Variants in GDF6 observed in about 807,000 individuals in gnomAD.
The protein encoded by GDF6 is growth differentiation factor 6, also known as growth/differentiation factor 6.
GDF6 carries 3 observed loss-of-function variants against 32.4 expected under a neutral mutation model. The observed-to-expected ratio is 0.09, with a 90% confidence interval of 0.04 to 0.24. The LOEUF is 0.24. GDF6 is among the 10% of genes least tolerant of loss of function. The pLI is 1.00. For missense variants in GDF6, 589 were observed against 637.9 expected (o/e 0.92, Z 0.83); for synonymous variants, 296 against 295.3 (o/e 1.00, Z -0.03).
chr8:96,151,938 G>T (rs1466247901), intron 1 of GDF6, among the ~76,000 whole-genome samples: 3 of 152,152 alleles, frequency 2.0e-5, no homozygotes, highest in South Asian at 2.1e-4. Context: ...CAGAGTCAAA[G>T]TACCTCAGGG....
chr8:96,143,220 T>C lies in GDF6; in HGVS notation c.*1343A>G, dbSNP rs1812402405. On this transcript the variant is annotated 3_prime_UTR_variant, in exon 2 of 2. Coordinates refer to ENST00000287020, the MANE Select transcript of GDF6 (RefSeq NM_001001557.4). Reference sequence around the variant, plus strand: ...CTTTTCACAGTTTCTCATTACTAAGTTTTAAAAACATTGCCTAACTGATAA... The same window carrying C: ...CTTTTCACAGTTTCTCATTACTAAGCTTTAAAAACATTGCCTAACTGATAA... 6.6e-6 allele frequency: 1 copy of C among 152,588 alleles called. No homozygotes were observed. Among genetic ancestry groups the C allele is most frequent in the Non-Finnish European group, 1.5e-5 (1 of 68,044 alleles). The allele number at this position is 152,588 out of a possible 1,614,324, so 9.5% of individuals were successfully genotyped here.
chr8:96,159,604 C>T lies in GDF6; in HGVS notation c.406+683G>A, dbSNP rs956350048. Among the ~76,000 whole-genome samples the T allele has an allele frequency of 3.3e-5, 5 of 152,374 alleles. No homozygotes were observed. In the South Asian group the frequency reaches 1.0e-3, roughly 32 times the overall value. On this transcript the variant is annotated intron_variant, in intron 1 of 1. Transcript: ENST00000287020. ...GAACTTAGCCGTCCCTGTCCCGGCC[C>T]GCCCAACTGCTGCCGCCGCATCTGC...
intron 1 of GDF6, among the ~76,000 whole-genome samples, chr8:96,151,849 G>A (rs986812844): frequency 4.6e-5 from 7 of 152,216 alleles, no homozygotes; most frequent in Admixed American, 6.5e-5. Flanking sequence ...AGACTGGGTC[G>A]CATAATCTCT....
chr8:96,157,745 C>A (rs1187764405), intron 1 of GDF6, among the ~76,000 whole-genome samples: 1 of 152,158 alleles, frequency 6.6e-6, no homozygotes, highest in East Asian at 1.9e-4. Flanking sequence ...CCTTCCATCA[C>A]GGGAGACGAG....
intron 1 of GDF6, among the ~76,000 whole-genome samples, chr8:96,150,373 A>T (rs1480579953): frequency 1.3e-5 from 2 of 152,038 alleles, no homozygotes; most frequent in African/African-American, 2.4e-5. Context: ...CCCATCCCCA[A>T]TCCCCAGGCA....
intron 1 of GDF6, among the ~76,000 whole-genome samples, chr8:96,155,428 G>A (rs1563512864): frequency 6.6e-6 from 1 of 152,208 alleles, no homozygotes; most frequent in Non-Finnish European, 1.5e-5. Flanking sequence ...GGCCTTAAAC[G>A]TGCCTTACTT....
intron 1 of GDF6, among the ~76,000 whole-genome samples, chr8:96,158,150 C>G (rs1249414591): frequency 6.6e-6 from 1 of 152,290 alleles, no homozygotes; most frequent in South Asian, 2.1e-4. Context: ...GTGGACCGCT[C>G]GCATCCCCAG....
chr8:96,153,742 G>A (rs1352243597), intron 1 of GDF6, among the ~76,000 whole-genome samples: 2 of 152,122 alleles, frequency 1.3e-5, no homozygotes, highest in African/African-American at 4.8e-5. Flanking sequence ...CTTGCAGGTG[G>A]GGGCGAGGGT....
chr8:96,147,392 A>ACAATGCTCAGCCTC (rs2130212810), intron 1 of GDF6, among the ~76,000 whole-genome samples: 1 of 152,344 alleles, frequency 6.6e-6, no homozygotes, highest in East Asian at 1.9e-4. Flanking sequence ...CCTGTGTCTG[A>ACAATGCTCAGCCTC]CAATGCTCAG....
rs894437133 is a variant in GDF6, at chr8:96,143,055, G to C, written c.*1508C>G. 1 of 152,210 alleles carries C rather than the reference G, an allele frequency of 6.6e-6. No homozygotes were observed. The highest frequency in any genetic ancestry group is 2.4e-5 in the African/African-American group (1 of 41,436). 9.4% of individuals were successfully genotyped at this position (152,210 alleles called of 1,614,324 possible). ...TGGTGCAGGCTGGGGGAAAGTTCATGTTTTTGACTATCTGGGAATGGGTAT... is the reference window on the plus strand; with the variant it reads ...TGGTGCAGGCTGGGGGAAAGTTCATCTTTTTGACTATCTGGGAATGGGTAT... On this transcript the variant is annotated 3_prime_UTR_variant, in exon 2 of 2. Coordinates refer to ENST00000287020, the MANE Select transcript of GDF6 (RefSeq NM_001001557.4).
chr8:96,145,107 C>T lies in GDF6; in HGVS notation c.824G>A (p.Arg275Gln), dbSNP rs1269296428. Residue 275 changes from arginine to glutamine, a missense_variant, in exon 2 of 2, where the codon CGG becomes CAG. Around this residue, in one of 2 missense-constraint regions of GDF6, gnomAD observed 436 missense variants for 411.2 expected, o/e 1.06. Coordinates refer to ENST00000287020, the MANE Select transcript of GDF6 (RefSeq NM_001001557.4). This position sits in a 1 kb window ranked among gnomAD's most constrained non-coding sequence, Gnocchi z 5.6. ...FGRRVRPPQERALLVVFTRSQ... is the reference protein window; with the variant it reads ...FGRRVRPPQEQALLVVFTRSQ... ...TCTGGTGAATACCACCAGCAGGGCC[C>T]GCTCCTGGGGAGGCCGCACCCTCCG... The T allele has an allele frequency of 6.6e-7, 1 of 1,521,422 alleles. No homozygotes were observed. The allele number at this position is 1,521,422 out of a possible 1,614,324, so 94.2% of individuals were successfully genotyped here. A position where few individuals can be genotyped will look rare whatever the true frequency, so the allele number is the denominator to read the frequency against.
intron 1 of GDF6, among the ~76,000 whole-genome samples, chr8:96,155,038 G>C (rs369218135): frequency 6.6e-6 from 1 of 152,182 alleles, no homozygotes; most frequent in Non-Finnish European, 1.5e-5. Context: ...GTGGAGAAGA[G>C]GGATTCGCCA....
chr8:96,156,959 G>C (rs1812675610), intron 1 of GDF6, among the ~76,000 whole-genome samples: 1 of 152,048 alleles, frequency 6.6e-6, no homozygotes, highest in South Asian at 2.1e-4. Flanking sequence ...ATCTTATATA[G>C]GCCCCACCTC....
At chr8:96,149,114 C>T (rs1051635824) in intron 1 of GDF6, among the ~76,000 whole-genome samples, 3 of 152,200 alleles carry the variant, frequency 2.0e-5, no homozygotes, top group Admixed American at 2.0e-4. Flanking sequence ...GCCTCCTCTC[C>T]CATTAAGTCT....
rs182869337 is a variant in GDF6, at chr8:96,151,682, C to T, written c.407-6158G>A. ...GAATTTAGGAGGAAAATTAACAGGG[C>T]CACAGAGGGGTGCAAATGAGATAAG... On this transcript the variant is annotated intron_variant, in intron 1 of 1. Coordinates refer to ENST00000287020, the MANE Select transcript of GDF6 (RefSeq NM_001001557.4). Among the ~76,000 whole-genome samples, 461 of 152,266 alleles carry T rather than the reference C, an allele frequency of 3.0e-3. 1 individual carries two copies. Among genetic ancestry groups the T allele is most frequent in the African/African-American group, 0.011 (440 of 41,546 alleles).
Position 96,160,495 on chromosome 8 carries a change from T to A in GDF6, c.198A>T (p.Glu66Asp). 1 of 1,612,854 alleles carries A rather than the reference T, an allele frequency of 6.2e-7. No individual in the cohort carries two copies. Among genetic ancestry groups the A allele is most frequent in the Non-Finnish European group, 8.5e-7 (1 of 1,179,440 alleles). ...GTTCGTCCTGAGGCCGCGGCTGTGG[T>A]TCCTGGCCCTCCCGGCCCGCGTCAC... is the stretch of plus-strand genomic sequence containing the variant. ...RDSDAGREGQ[E>D]PQPRPQDEPR... Residue 66 changes from glutamate to aspartate, a missense_variant, in exon 1 of 2, where the codon GAA (glutamate) becomes GAT (aspartate). Glu to Asp is a conservative substitution (Grantham distance 45, BLOSUM62 2). Transcript: ENST00000287020.
rs944736384 is a variant in GDF6 at position 96,145,820 on chromosome 8, G to A, written c.407-296C>T. On this transcript the variant is annotated intron_variant, in intron 1 of 1. Coordinates refer to ENST00000287020, the MANE Select transcript of GDF6 (RefSeq NM_001001557.4). The surrounding 1 kb of genome is among the most constrained non-coding windows in gnomAD (Gnocchi z 5.6). ...GCCTACCGGGTTTTCCCCCCAAAAG[G>A]CTTCGTAACCACTAATGTGCCCTTT... Among the ~76,000 whole-genome samples the A allele has an allele frequency of 6.6e-6, 1 of 152,150 alleles. No individual in the cohort carries two copies. Among genetic ancestry groups the A allele is most frequent in the Non-Finnish European group, 1.5e-5 (1 of 68,016 alleles).
intron 1 of GDF6, among the ~76,000 whole-genome samples, chr8:96,159,150 G>A (rs1812718323): frequency 6.6e-6 from 1 of 152,234 alleles, no homozygotes; most frequent in Non-Finnish European, 1.5e-5. Context: ...ATGGAGCTAA[G>A]TCTAGGGAGG....
At position 96,160,732 on chromosome 8, in the gene GDF6, G is replaced by T; in HGVS notation, c.-40C>A. The T allele has an allele frequency of 6.2e-7, 1 of 1,606,916 alleles. No homozygotes were observed. Among genetic ancestry groups the T allele is most frequent in the Non-Finnish European group, 8.5e-7 (1 of 1,175,408 alleles). On this transcript the variant is annotated 5_prime_UTR_variant, in exon 1 of 2. Coordinates refer to ENST00000287020, the MANE Select transcript of GDF6 (RefSeq NM_001001557.4). ...TGCGTCTCCCCAGGAGGCGGTGGCGGCGGCGCAGGACGCGCGGGGCACGGA... is the reference window on the plus strand; with the variant it reads ...TGCGTCTCCCCAGGAGGCGGTGGCGTCGGCGCAGGACGCGCGGGGCACGGA...
Sources: gnomAD v4.1 joint callset for allele counts (sites outside exome capture counted in the v4.1 genomes callset) on GRCh38, gnomAD v4.1.1 for gene constraint, gnomAD v4.1.1 regional missense constraint, Gnocchi (gnomAD v3.1) non-coding constraint, MANE v1.5 for transcripts, NCBI Gene and HGNC (gene_info 2026-07-23, HGNC 2026-07-21) for gene names.